Variants in TENM3 observed in about 807,000 individuals in gnomAD.
TENM3 encodes the protein teneurin transmembrane protein 3.
A neutral mutation model predicts 255.1 loss-of-function variants in TENM3; 63 were observed. The ratio of observed to expected loss-of-function variants is 0.25; its 90% CI spans 0.20 to 0.30. The LOEUF (loss-of-function observed/expected upper bound fraction) is 0.30, where lower values mean the gene tolerates loss of function less well. Among genes scored for constraint, TENM3 ranks in the 10% least tolerant of loss-of-function variants. TENM3 has a pLI of 1.00. For missense variants in TENM3, 2,929 were observed against 3,461.1 expected (o/e 0.85, Z 3.86); for synonymous variants, 1,306 against 1,322.3 (o/e 0.99, Z 0.27).
At chr4:181,838,850 T>C in the TENM3 span, among the ~76,000 whole-genome samples, 1 of 151,960 alleles carries the variant, frequency 6.6e-6, no homozygotes. Context: ...TTATTGATTC[T>C]CTCCTTTTGT....
chr4:181,884,006 T>A, the TENM3 span, among the ~76,000 whole-genome samples: 1 of 152,130 alleles, frequency 6.6e-6, no homozygotes, highest in Admixed American at 6.6e-5. Flanking sequence ...AAGTAACAAG[T>A]TTTGATAAAT....
intron 3 of TENM3, among the ~76,000 whole-genome samples, chr4:182,462,974 C>T (rs1383162261): frequency 1.3e-5 from 2 of 152,026 alleles, no homozygotes; most frequent in African/African-American, 2.4e-5. Context: ...TCCCCTCCTC[C>T]TACACCAAAA....
the TENM3 span, among the ~76,000 whole-genome samples, chr4:181,477,911 C>T: frequency 1.3e-3 from 195 of 152,060 alleles, no homozygotes; most frequent in African/African-American, 4.5e-3. Context: ...TTTTAAATGG[C>T]CTTACCCTCC....
At chr4:181,906,251 G>A in the TENM3 span, 2 of 201,274 alleles carry the variant, frequency 9.9e-6, no homozygotes, top group Non-Finnish European at 2.0e-5. Context: ...AATCAGTGAG[G>A]AAGCACTCCA....
At chr4:182,532,456 G>A (rs765098256) in intron 3 of TENM3, among the ~76,000 whole-genome samples, 1 of 152,050 alleles carries the variant, frequency 6.6e-6, no homozygotes, top group Non-Finnish European at 1.5e-5. Context: ...TGGATTAATC[G>A]ATTGTAATAT....
intron 1 of TENM3, among the ~76,000 whole-genome samples, chr4:182,193,074 T>G (rs1753619673): frequency 1.3e-5 from 2 of 152,150 alleles, no homozygotes; most frequent in African/African-American, 4.8e-5. Context: ...ATCATGAAGT[T>G]AAGGTAAGCA....
intron 1 of TENM3, among the ~76,000 whole-genome samples, chr4:182,298,215 T>C (rs189365278): frequency 6.6e-6 from 1 of 152,342 alleles, no homozygotes; most frequent in African/African-American, 2.4e-5. Flanking sequence ...AAAAGCTGCA[T>C]GAAACCAGCG....
At chr4:181,458,947 A>G in the TENM3 span, among the ~76,000 whole-genome samples, 1 of 151,938 alleles carries the variant, frequency 6.6e-6, no homozygotes, top group Non-Finnish European at 1.5e-5. Context: ...TCTTATGGTA[A>G]GTACATACTT....
At chr4:182,593,944 G>C (rs987165972) in intron 3 of TENM3, among the ~76,000 whole-genome samples, 3 of 151,928 alleles carry the variant, frequency 2.0e-5, no homozygotes, top group African/African-American at 7.3e-5. Flanking sequence ...ATGGCAGCCT[G>C]GGAGCTGCCA....
the TENM3 span, among the ~76,000 whole-genome samples, chr4:182,076,976 A>T: frequency 1.3e-5 from 2 of 152,228 alleles, no homozygotes; most frequent in African/African-American, 4.8e-5. Flanking sequence ...ATAAATGTTC[A>T]TTAGAGGATA....
the TENM3 span, among the ~76,000 whole-genome samples, chr4:181,681,105 C>T: frequency 6.6e-5 from 10 of 151,908 alleles, 1 homozygote; most frequent in East Asian, 7.8e-4. Flanking sequence ...CTAAGGTAAG[C>T]GTATTTCTGT....
At chr4:182,116,843 A>T in the TENM3 span, among the ~76,000 whole-genome samples, 166 of 152,224 alleles carry the variant, frequency 1.1e-3, 2 homozygotes, top group East Asian at 0.03. Context: ...AGTTTTGGAG[A>T]GTGTGCTTGG....
At chr4:181,670,315 T>C in the TENM3 span, among the ~76,000 whole-genome samples, 1 of 152,114 alleles carries the variant, frequency 6.6e-6, no homozygotes, top group Non-Finnish European at 1.5e-5. Context: ...TTGCCGAGAG[T>C]GACCGGTTTG....
intron 3 of TENM3, among the ~76,000 whole-genome samples, chr4:182,527,843 T>G (rs2151823407): frequency 6.6e-6 from 1 of 152,180 alleles, no homozygotes; most frequent in African/African-American, 2.4e-5. Flanking sequence ...ATCTTCTGCC[T>G]CAGCCTCCTG....
chr4:181,600,147 G>T, the TENM3 span, among the ~76,000 whole-genome samples: 1 of 152,158 alleles, frequency 6.6e-6, no homozygotes, highest in East Asian at 1.9e-4. Flanking sequence ...AAGCTACATT[G>T]TTCCTTATTG....
intron 3 of TENM3, among the ~76,000 whole-genome samples, chr4:182,418,209 G>A (rs1437427088): frequency 6.6e-6 from 1 of 152,210 alleles, no homozygotes; most frequent in Non-Finnish European, 1.5e-5. Context: ...GGTTGAGATT[G>A]TTGTAGAGAG....
chr4:182,487,725 C>G lies in TENM3; in HGVS notation c.512-113199C>G, dbSNP rs909675244. Among the ~76,000 whole-genome samples, 7 of 152,086 alleles carry G rather than the reference C, an allele frequency of 4.6e-5. No homozygotes were observed. In the South Asian group the frequency reaches 1.0e-3, roughly 22 times the overall value. ...TTTCTCTACCCTCAAGGAGTTGATG[C>G]AGGTAACATAATCACATGATAGATG... is the stretch of plus-strand genomic sequence containing the variant. On this transcript the variant is annotated intron_variant, in intron 3 of 27. Transcript: ENST00000511685.
intron 4 of TENM3, among the ~76,000 whole-genome samples, chr4:182,615,065 A>ATG: frequency 1.7e-5 from 2 of 119,810 alleles, no homozygotes; most frequent in African/African-American, 6.1e-5. Context: ...ATATATATAT[A>ATG]TGTATTTTTT....
chr4:181,677,435 T>G, the TENM3 span, among the ~76,000 whole-genome samples: 1 of 152,138 alleles, frequency 6.6e-6, no homozygotes, highest in Non-Finnish European at 1.5e-5. Flanking sequence ...CCTTTGAAAA[T>G]GTCCCTCTTT....
Sources: gnomAD v4.1 joint callset for allele counts (sites outside exome capture counted in the v4.1 genomes callset) on GRCh38, gnomAD v4.1.1 for gene constraint, MANE v1.5 for transcripts, NCBI Gene and HGNC (gene_info 2026-07-23, HGNC 2026-07-21) for gene names.